Variants in TBC1D5 observed in about 807,000 individuals in gnomAD.
TBC1D5 encodes the protein TBC1 domain family, member 5.
A neutral mutation model predicts 100.3 loss-of-function variants in TBC1D5; 75 were observed. The ratio of observed to expected loss-of-function variants is 0.75; its 90% confidence interval spans 0.62 to 0.91. The LOEUF is 0.91. TBC1D5 is among the 40% of genes least tolerant of loss of function. The probability of loss-of-function intolerance (pLI) is 0.00; values close to 1 mark genes in which losing one functional copy is unlikely to be tolerated. For synonymous variants in TBC1D5, 323 were observed against 325.6 expected (o/e 0.99, Z 0.09); for missense variants, 910 against 942.4 (o/e 0.97, Z 0.45).
intron 4 of TBC1D5, among the ~76,000 whole-genome samples, chr3:17,418,215 C>T (rs1425145494): frequency 6.6e-6 from 1 of 152,060 alleles, no homozygotes; most frequent in Non-Finnish European, 1.5e-5. Context: ...GTACATAATA[C>T]TCATTCTCAA....
intron 4 of TBC1D5, among the ~76,000 whole-genome samples, chr3:17,412,313 C>T (rs2093948378): frequency 6.6e-6 from 1 of 151,926 alleles, no homozygotes; most frequent in African/African-American, 2.4e-5. Context: ...TTTGATACTT[C>T]AAAATTAAAA....
chr3:17,430,075 C>T (rs1442842722), intron 3 of TBC1D5, among the ~76,000 whole-genome samples: 1 of 151,660 alleles, frequency 6.6e-6, no homozygotes, highest in Non-Finnish European at 1.5e-5. Flanking sequence ...TATGGTATTA[C>T]TCATACAGCA....
intron 3 of TBC1D5, among the ~76,000 whole-genome samples, chr3:17,481,587 C>T (rs1376883724): frequency 1.3e-5 from 2 of 152,170 alleles, no homozygotes; most frequent in Admixed American, 1.3e-4. Context: ...CAAATTATGC[C>T]TCTCACCTTT....
chr3:17,589,107 T>C (rs555736073), intron 2 of TBC1D5, among the ~76,000 whole-genome samples: 1 of 152,294 alleles, frequency 6.6e-6, no homozygotes, highest in Admixed American at 6.5e-5. Context: ...TATTGTGAAG[T>C]TCATTCAAGT....
chr3:17,624,041 T>A (rs979302769), intron 1 of TBC1D5, 128 bp from the exon 2 acceptor site: 1 of 152,212 alleles, frequency 6.6e-6, no homozygotes, highest in African/African-American at 2.4e-5. Context: ...CTAAAGCTAA[T>A]AACCACTTTT....
intron 16 of TBC1D5, among the ~76,000 whole-genome samples, chr3:17,258,178 A>T (rs2077907141): frequency 6.6e-6 from 1 of 152,108 alleles, no homozygotes; most frequent in Non-Finnish European, 1.5e-5. Flanking sequence ...ATATTATAAA[A>T]CTGTCTCTTT....
chr3:17,231,637 T>C (rs892210680), intron 17 of TBC1D5, among the ~76,000 whole-genome samples: 1 of 152,102 alleles, frequency 6.6e-6, no homozygotes, highest in Non-Finnish European at 1.5e-5. Flanking sequence ...ATATTAAGCA[T>C]AGATAGAATT....
At chr3:17,706,151 G>C in intron 1 of TBC1D5, 1 of 1,588,638 alleles carries the variant, frequency 6.3e-7, no homozygotes, top group African/African-American at 1.3e-5. Context: ...GGCTGCAGTT[G>C]ATGGGGGAGA....
intron 15 of TBC1D5, among the ~76,000 whole-genome samples, chr3:17,288,450 C>T (rs1238723910): frequency 1.3e-5 from 2 of 152,110 alleles, no homozygotes; most frequent in Non-Finnish European, 2.9e-5. Context: ...TTTGAAAACC[C>T]GTCTTCCTGT....
At chr3:17,183,090 A>ATT (rs1345945352) in intron 19 of TBC1D5, among the ~76,000 whole-genome samples, 5 of 152,118 alleles carry the variant, frequency 3.3e-5, no homozygotes. Flanking sequence ...AACCTCCAGT[A>ATT]TGCCTGAGAT....
In TBC1D5 at chr3:17,285,242, T is replaced by C. The variant is rs537465252; in HGVS notation, c.1245+6653A>G. ...TCAAAGAGTCACTATACGTGGATTT[T>C]AGATTCTTTTTTTTTTTTTTTTTTT... On this transcript the variant is annotated intron_variant, in intron 15 of 21. Coordinates refer to ENST00000253692, the Ensembl canonical transcript of TBC1D5. Among the ~76,000 whole-genome samples the C allele has an allele frequency of 1.5e-3, 230 of 149,318 alleles. 1 individual carries two copies. Among genetic ancestry groups the C allele is most frequent in the African/African-American group, 5.4e-3 (217 of 40,422 alleles).
intron 8 of TBC1D5, among the ~76,000 whole-genome samples, chr3:17,399,110 C>T (rs573292222): frequency 2.0e-5 from 3 of 152,010 alleles, no homozygotes; most frequent in Admixed American, 2.0e-4. Flanking sequence ...ATGGAAAGCA[C>T]AAAACCTGTT....
At chr3:17,404,124 C>T (rs913835146) in intron 7 of TBC1D5, among the ~76,000 whole-genome samples, 2 of 151,976 alleles carry the variant, frequency 1.3e-5, no homozygotes, top group African/African-American at 4.8e-5. Flanking sequence ...AAGAGGAATG[C>T]TAACACTATG....
chr3:17,671,578 G>T (rs2067945668), intron 1 of TBC1D5, among the ~76,000 whole-genome samples: 1 of 152,078 alleles, frequency 6.6e-6, no homozygotes, highest in African/African-American at 2.4e-5. Context: ...TACAAAACAA[G>T]GCATCTTCTT....
At chr3:17,649,992 A>AG (rs926315593) in intron 1 of TBC1D5, among the ~76,000 whole-genome samples, 19 of 152,212 alleles carry the variant, frequency 1.2e-4, no homozygotes, top group African/African-American at 4.6e-4. Flanking sequence ...TGTCCTTTGC[A>AG]GGGACATGGA....
At chr3:17,370,869 T>C (rs1419747505) in intron 13 of TBC1D5, among the ~76,000 whole-genome samples, 2 of 152,160 alleles carry the variant, frequency 1.3e-5, no homozygotes, top group African/African-American at 4.8e-5. Context: ...AAAAATTGCC[T>C]CAATTTTGCA....
At chr3:17,621,809 T>C (rs1268620134) in intron 2 of TBC1D5, among the ~76,000 whole-genome samples, 1 of 152,144 alleles carries the variant, frequency 6.6e-6, no homozygotes, top group Non-Finnish European at 1.5e-5. Flanking sequence ...AATAAGCAAC[T>C]AGAGGGCAGA....
intron 1 of TBC1D5, chr3:17,706,243 G>T: frequency 6.5e-7 from 1 of 1,548,886 alleles, no homozygotes; most frequent in East Asian, 2.4e-5. Flanking sequence ...CCACCACATT[G>T]ATATTTGTAC....
chr3:17,605,177 C>A (rs564979554), intron 2 of TBC1D5, among the ~76,000 whole-genome samples: 1 of 152,286 alleles, frequency 6.6e-6, no homozygotes, highest in East Asian at 1.9e-4. Flanking sequence ...AATCACCAAT[C>A]TCAGGTTGTC....
Sources: allele counts gnomAD v4.1 joint callset (sites outside exome capture counted in the v4.1 genomes callset), GRCh38; gene constraint gnomAD v4.1.1; transcripts MANE v1.5; gene names NCBI Gene and HGNC (gene_info 2026-07-23, HGNC 2026-07-21).